Variants in TSPAN9 observed in about 807,000 individuals in gnomAD.
TSPAN9 encodes tetraspanin-9.
Under a neutral mutation model 31.0 loss-of-function variants are expected in TSPAN9, and 16 were observed. That is an observed-to-expected ratio of 0.52 (90% confidence interval 0.35 to 0.78). TSPAN9 has a LOEUF of 0.78. TSPAN9 is among the 30% of genes least tolerant of loss of function. The pLI is 0.01. For synonymous variants in TSPAN9, 145 were observed against 121.6 expected, an observed-to-expected ratio of 1.19 and a Z score of -1.27; for missense variants, 272 against 312.5, an observed-to-expected ratio of 0.87 and a Z score of 0.98.
At chr12:3,108,632 G>A (rs1180421630) in intron 2 of TSPAN9, among the ~76,000 whole-genome samples, 3 of 152,090 alleles carry the variant, frequency 2.0e-5, no homozygotes, top group African/African-American at 7.2e-5. Flanking sequence ...TTCACTGATG[G>A]TCTCCTTCCC....
intron 2 of TSPAN9, among the ~76,000 whole-genome samples, chr12:3,084,635 C>T (rs751535860): frequency 3.9e-5 from 6 of 152,220 alleles, no homozygotes; most frequent in Non-Finnish European, 7.3e-5. Flanking sequence ...CATGATCAGA[C>T]TCAGTTTTAG....
In TSPAN9 at chr12:3,192,218, C is replaced by T. The variant is rs1050595497; in HGVS notation, c.-17-8959C>T. Among the ~76,000 whole-genome samples, 1 of 152,140 alleles carries T rather than the reference C, an allele frequency of 6.6e-6. No homozygotes were observed. Among genetic ancestry groups the T allele is most frequent in the Admixed American group, 6.5e-5 (1 of 15,272 alleles). On this transcript the variant is annotated intron_variant, in intron 2 of 8. Transcript: ENST00000011898. This position sits in a 1 kb window ranked among gnomAD's most constrained non-coding sequence, Gnocchi z 4.6. Reference sequence around the variant, plus strand: ...AAAAGTAGACTAGGAAACACACAGGCACACACACAATTGTAATCCAAGTAA... The same window carrying T: ...AAAAGTAGACTAGGAAACACACAGGTACACACACAATTGTAATCCAAGTAA...
chr12:3,283,229 C>T lies in TSPAN9; in HGVS notation c.*113C>T. The T allele has an allele frequency of 9.0e-7, 1 of 1,111,216 alleles. No individual in the cohort carries two copies. Among genetic ancestry groups the T allele is most frequent in the Admixed American group, 2.2e-5 (1 of 46,098 alleles). 68.8% of individuals were successfully genotyped at this position (1,111,216 alleles called of 1,614,324 possible). A position where few individuals can be genotyped will look rare whatever the true frequency, so the allele number is the denominator to read the frequency against. The stretch of plus-strand genomic sequence containing the variant: ...ATATGACCCCTGCACCCACCCCCCA[C>T]AGCCTGCCCTACCCCACCTACCCTG... On this transcript the variant is annotated 3_prime_UTR_variant, in exon 9 of 9. Coordinates refer to ENST00000011898, the MANE Select transcript of TSPAN9 (RefSeq NM_006675.5).
At chr12:3,245,881 TCTGA>T (rs368651491) in intron 3 of TSPAN9, among the ~76,000 whole-genome samples, 381 of 152,052 alleles carry the variant, frequency 2.5e-3, no homozygotes, top group African/African-American at 8.7e-3. Flanking sequence ...CGCCTTGCCT[TCTGA>T]CTGTGGCGCA....
chr12:3,202,960 G>T (rs1423278413), intron 3 of TSPAN9, among the ~76,000 whole-genome samples: 2 of 152,340 alleles, frequency 1.3e-5, no homozygotes, highest in Admixed American at 1.3e-4. Flanking sequence ...AAGTACTGGT[G>T]TGTGCTTCCC....
At chr12:3,218,932 C>T (rs958325749) in intron 3 of TSPAN9, among the ~76,000 whole-genome samples, 7 of 152,268 alleles carry the variant, frequency 4.6e-5, no homozygotes, top group Admixed American at 6.5e-5. Context: ...GGTCAGAGGT[C>T]GCAGAAAACC....
intron 3 of TSPAN9, among the ~76,000 whole-genome samples, chr12:3,244,965 C>T (rs1348899533): frequency 2.6e-5 from 4 of 152,204 alleles, no homozygotes; most frequent in Admixed American, 2.0e-4. Flanking sequence ...CTCTCTCTCA[C>T]TCTGTGCGTT....
intron 3 of TSPAN9, among the ~76,000 whole-genome samples, chr12:3,254,456 G>A (rs1470767358): frequency 6.6e-6 from 1 of 152,172 alleles, no homozygotes; most frequent in African/African-American, 2.4e-5. Flanking sequence ...AGGCCTGTGG[G>A]CACCTTCTAC....
intron 3 of TSPAN9, among the ~76,000 whole-genome samples, chr12:3,220,327 C>T (rs1361260170): frequency 2.6e-5 from 4 of 152,132 alleles, no homozygotes; most frequent in Non-Finnish European, 4.4e-5. Context: ...ACTATTTTGC[C>T]CTTTACTGTC....
intron 2 of TSPAN9, among the ~76,000 whole-genome samples, chr12:3,138,800 C>T (rs1450347957): frequency 1.3e-5 from 2 of 152,146 alleles, no homozygotes; most frequent in Non-Finnish European, 2.9e-5. Context: ...CTTTGTTTTG[C>T]CCCATCTACC....
At chr12:3,231,568 AAAG>A (rs1195450688) in intron 3 of TSPAN9, among the ~76,000 whole-genome samples, 10 of 152,186 alleles carry the variant, frequency 6.6e-5, no homozygotes, top group Admixed American at 2.0e-4. Context: ...AGCCCACCCT[AAAG>A]AGGTCAACCT....
chr12:3,269,908 G>C lies in TSPAN9; in HGVS notation c.64-8513G>C, dbSNP rs184462632. ...TGGGAAGAAGATGTGGTTTTGCCCC[G>C]CGTGCACAGCCTGTCCTGGTAGGGC... On this transcript the variant is annotated intron_variant, in intron 3 of 8. Coordinates refer to ENST00000011898, the MANE Select transcript of TSPAN9 (RefSeq NM_006675.5). Among the ~76,000 whole-genome samples the C allele has an allele frequency of 2.6e-5, 4 of 152,230 alleles. No individual in the cohort carries two copies. In the East Asian group the frequency reaches 7.7e-4, roughly 29 times the overall value.
intron 2 of TSPAN9, among the ~76,000 whole-genome samples, chr12:3,131,129 G>GA (rs59457295): frequency 6.8e-5 from 10 of 148,114 alleles, no homozygotes; most frequent in South Asian, 6.4e-4. Context: ...CACTTTTGGG[G>GA]AAAAAAAAAA....
intron 2 of TSPAN9, among the ~76,000 whole-genome samples, chr12:3,118,624 A>G (rs1460342600): frequency 2.0e-5 from 3 of 151,782 alleles, no homozygotes; most frequent in African/African-American, 7.3e-5. Flanking sequence ...ATTGACAAAC[A>G]TGGGGAAACA....
chr12:3,111,953 A>G (rs1419448548), intron 2 of TSPAN9, among the ~76,000 whole-genome samples: 1 of 152,048 alleles, frequency 6.6e-6, no homozygotes, highest in Non-Finnish European at 1.5e-5. Context: ...TTATCTCACC[A>G]TGAGGAGGCT....
At chr12:3,235,264 A>G (rs2098393171) in intron 3 of TSPAN9, among the ~76,000 whole-genome samples, 1 of 91,446 alleles carries the variant, frequency 1.1e-5, no homozygotes, top group Non-Finnish European at 2.1e-5. Context: ...ATATATATAT[A>G]TATATATGTA....
chr12:3,268,204 G>GTGCGTTCCTGCAGCCTGCCCTCTC (rs1862575911), intron 3 of TSPAN9, among the ~76,000 whole-genome samples: 4 of 117,602 alleles, frequency 3.4e-5, no homozygotes. Flanking sequence ...CCTGCCCTCT[G>GTGCGTTCCTGCAGCCTGCCCTCTC]TGCGTTCCTG....
chr12:3,273,899 C>T (rs997981344), intron 3 of TSPAN9, among the ~76,000 whole-genome samples: 1 of 152,240 alleles, frequency 6.6e-6, no homozygotes, highest in Non-Finnish European at 1.5e-5. Flanking sequence ...GTCCCCAGCT[C>T]ACCAGCTGGC....
At chr12:3,278,309 G>A (rs1015531300) in intron 3 of TSPAN9, 112 bp from the exon 4 acceptor site, 76 of 1,448,454 alleles carry the variant, frequency 5.2e-5, no homozygotes, top group Admixed American at 1.2e-4. Context: ...TCACCTTGTC[G>A]GTTCTCACTT....
Sources: gnomAD v4.1 joint callset for allele counts (sites outside exome capture counted in the v4.1 genomes callset) on GRCh38, gnomAD v4.1.1 for gene constraint, Gnocchi (gnomAD v3.1) non-coding constraint, MANE v1.5 for transcripts, NCBI Gene and HGNC (gene_info 2026-07-23, HGNC 2026-07-21) for gene names.